PSTPIP1: variants seen among roughly 807,000 people sequenced by gnomAD.
PSTPIP1 encodes the protein proline-serine-threonine phosphatase-interacting protein 1.
In PSTPIP1, 66 loss-of-function variants were observed where a neutral mutation model predicts 69.6. The observed-to-expected ratio is 0.95, with a 90% CI of 0.78 to 1.16. PSTPIP1 has a LOEUF of 1.16. PSTPIP1 is among the 50% of genes most tolerant of loss of function. The probability of loss-of-function intolerance (pLI) is 0.00; values close to 1 mark genes in which losing one functional copy is unlikely to be tolerated. For synonymous variants in PSTPIP1, 266 were observed against 222.7 expected, an observed-to-expected ratio of 1.19 and a Z score of -1.73; for missense variants, 603 against 557.4, an observed-to-expected ratio of 1.08 and a Z score of -0.82.
chr15:77,032,533 G>GT, intron 11 of PSTPIP1, 139 bp downstream of exon 11: 2 of 899,208 alleles, frequency 2.2e-6, no homozygotes. Context: ...AGCAGGGGTT[G>GT]TGGGGAGTTG....
At position 77,027,071 on chromosome 15, in the gene PSTPIP1, T is replaced by A. The variant is rs2076297009; in HGVS notation, c.355-781T>A. Among the ~76,000 whole-genome samples, 1 of 152,232 alleles carries A rather than the reference T, an allele frequency of 6.6e-6. No homozygotes were observed. The highest frequency in any genetic ancestry group is 6.5e-5 in the Admixed American group (1 of 15,284). ...GTGCCTACGCTCCCCTGCATATGCC[T>A]GTGAGCATGTGTCCTTGTCCAGCCC... is the stretch of plus-strand genomic sequence containing the variant. On this transcript the variant is annotated intron_variant, in intron 5 of 14. Coordinates refer to ENST00000558012, the MANE Select transcript of PSTPIP1 (RefSeq NM_003978.5). This position sits in a 1 kb window ranked among gnomAD's most constrained non-coding sequence, Gnocchi z 4.3.
chr15:76,997,013 C>T (rs944752370), intron 1 of PSTPIP1, among the ~76,000 whole-genome samples: 1 of 152,220 alleles, frequency 6.6e-6, no homozygotes, highest in Non-Finnish European at 1.5e-5. Flanking sequence ...AGACCTCTGT[C>T]CAGTCCTAGA....
chr15:77,026,910 G>C (rs1377947553), intron 5 of PSTPIP1, among the ~76,000 whole-genome samples: 2 of 152,268 alleles, frequency 1.3e-5, no homozygotes, highest in African/African-American at 4.8e-5. Context: ...GTTTTGGACA[G>C]AGCATTCTTT....
At chr15:77,016,074 G>T (rs1262388968) in intron 1 of PSTPIP1, 2 of 456,092 alleles carry the variant, frequency 4.4e-6, no homozygotes, top group Admixed American at 4.7e-5. Flanking sequence ...GTCAGGGCTG[G>T]GTGTGGGGCT....
At chr15:77,035,639 G>A (rs2076544256) in intron 13 of PSTPIP1, 76 bp downstream of exon 13, 3 of 1,503,976 alleles carry the variant, frequency 2.0e-6, no homozygotes, top group African/African-American at 2.8e-5. Context: ...TGGCACAGAT[G>A]GGGCCACTGA....
rs538685948 is a variant in PSTPIP1 at position 77,004,550 on chromosome 15, A to G, written c.36+8941A>G. Among the ~76,000 whole-genome samples, 5 of 152,138 alleles carry G rather than the reference A, an allele frequency of 3.3e-5. No individual in the cohort carries two copies. The South Asian group carries it at 6.2e-4, about 19-fold the overall frequency. ...TGACCAAGGTGGAGAGTAGTTGGAG[A>G]TAAGGTAAGAAATAGAACAGTGGCC... On this transcript the variant is annotated intron_variant, in intron 1 of 14. Transcript: ENST00000558012.
chr15:77,020,981 TCCCTGAGG>T (rs1489633070), intron 3 of PSTPIP1, among the ~76,000 whole-genome samples: 3 of 151,732 alleles, frequency 2.0e-5, no homozygotes, highest in Non-Finnish European at 4.4e-5. Flanking sequence ...GCCCCTGGCC[TCCCTGAGG>T]CCCACAGCTG....
chr15:77,036,747 G>C (rs1294928225), intron 14 of PSTPIP1, among the ~76,000 whole-genome samples: 1 of 152,102 alleles, frequency 6.6e-6, no homozygotes, highest in East Asian at 1.9e-4. Context: ...CCCTGGGCTT[G>C]GGGTATGATG....
Position 77,035,796 on chromosome 15 carries a change from T to A in PSTPIP1, c.986-6T>A. 6.2e-7 allele frequency: 1 copy of A among 1,604,740 alleles called. No homozygotes were observed. Among genetic ancestry groups the A allele is most frequent in the Non-Finnish European group, 8.5e-7 (1 of 1,178,878 alleles). On this transcript the variant is annotated splice_polypyrimidine_tract_variant and splice_region_variant and intron_variant, in intron 13 of 14. Coordinates refer to ENST00000558012, the MANE Select transcript of PSTPIP1 (RefSeq NM_003978.5). Reference sequence around the variant, plus strand: ...GGGAGGGGTCTATGTCTCACCCTGCTCTTAGCGTCCACAGAGACCCTGACC... The same window carrying A: ...GGGAGGGGTCTATGTCTCACCCTGCACTTAGCGTCCACAGAGACCCTGACC...
At chr15:77,035,988 G>A in intron 14 of PSTPIP1, 53 bp downstream of exon 14, 1 of 1,527,388 alleles carries the variant, frequency 6.5e-7, no homozygotes, top group Non-Finnish European at 8.8e-7. Context: ...GCACCTGAGA[G>A]CTCCCTCTCC....
Position 77,029,703 on chromosome 15 carries a change from C to T in PSTPIP1, c.562+129C>T, listed in dbSNP as rs980594491. ...CAATCATGGGCGCGGCGCTCTCATT[C>T]CAGATATGTGCCGTCAAAGTAAACG... On this transcript the variant is annotated intron_variant, in intron 8 of 14. Coordinates refer to ENST00000558012, the MANE Select transcript of PSTPIP1 (RefSeq NM_003978.5). 3 of 1,089,720 alleles carry T rather than the reference C, an allele frequency of 2.8e-6. No homozygotes were observed. In the African/African-American group the frequency reaches 4.8e-5, roughly 17 times the overall value. 67.5% of individuals were successfully genotyped at this position (1,089,720 alleles called of 1,614,324 possible).
chr15:77,035,625 C>A, intron 13 of PSTPIP1, 62 bp downstream of exon 13: 1 of 1,522,890 alleles, frequency 6.6e-7, no homozygotes, highest in Non-Finnish European at 8.9e-7. Flanking sequence ...AGAGGTCTCC[C>A]ACATGGCACA....
At chr15:77,032,661 T>C in intron 11 of PSTPIP1, 1 of 621,662 alleles carries the variant, frequency 1.6e-6, no homozygotes, top group South Asian at 2.0e-5. Flanking sequence ...CCCGCCTGTT[T>C]GGTTCCACTG....
At chr15:77,008,119 T>TG in intron 1 of PSTPIP1, 1 of 453,722 alleles carries the variant, frequency 2.2e-6, no homozygotes, top group South Asian at 1.6e-5. Context: ...TCTGGATCAG[T>TG]GTCCCTGGAG....
chr15:77,006,168 G>T (rs560905267), intron 1 of PSTPIP1, among the ~76,000 whole-genome samples: 4 of 152,200 alleles, frequency 2.6e-5, no homozygotes, highest in African/African-American at 9.6e-5. Context: ...ACCTTAGGAG[G>T]CATGAAGTAA....
intron 1 of PSTPIP1, among the ~76,000 whole-genome samples, chr15:76,999,214 AAATG>A (rs1285041389): frequency 3.3e-5 from 5 of 152,132 alleles, no homozygotes; most frequent in Non-Finnish European, 7.4e-5. Context: ...TTCATAGAAT[AAATG>A]AATGGACAGT....
chr15:77,034,911 G>GGGTAAA (rs1168631983), intron 12 of PSTPIP1, among the ~76,000 whole-genome samples: 1 of 152,252 alleles, frequency 6.6e-6, no homozygotes, highest in Non-Finnish European at 1.5e-5. Flanking sequence ...GCAGGGGCAG[G>GGGTAAA]GGTAAAGTAG....
intron 1 of PSTPIP1, among the ~76,000 whole-genome samples, chr15:77,008,883 G>T (rs1018848348): frequency 2.0e-4 from 30 of 152,114 alleles, no homozygotes; most frequent in Non-Finnish European, 4.3e-4. Context: ...ATGTACACTG[G>T]CTGTGTTGGG....
At chr15:77,001,248 C>T (rs2075701451) in intron 1 of PSTPIP1, among the ~76,000 whole-genome samples, 1 of 152,212 alleles carries the variant, frequency 6.6e-6, no homozygotes, top group African/African-American at 2.4e-5. Context: ...AGGCTAATGG[C>T]TATTTTCCAG....
Sources: allele counts gnomAD v4.1 joint callset (sites outside exome capture counted in the v4.1 genomes callset), GRCh38; gene constraint gnomAD v4.1.1; non-coding constraint Gnocchi (gnomAD v3.1); transcripts MANE v1.5; gene names NCBI Gene and HGNC (gene_info 2026-07-23, HGNC 2026-07-21).